The following FAT4 variants were observed in gnomAD, a reference collection of about 807,000 sequenced individuals.
FAT4 encodes protocadherin Fat 4.
Under a neutral mutation model 303.9 loss-of-function variants are expected in FAT4, and 84 were observed. That is an observed-to-expected ratio of 0.28 (90% CI 0.23 to 0.33). FAT4 has a LOEUF of 0.33. Among genes scored for constraint, FAT4 ranks in the 10% least tolerant of loss-of-function variants. The pLI is 1.00. For missense variants in FAT4, 6,005 were observed against 6,146.8 expected, an observed-to-expected ratio of 0.98 and a Z score of 0.77; for synonymous variants, 2,307 against 2,298.8, an observed-to-expected ratio of 1.00 and a Z score of -0.10.
intron 2 of FAT4, among the ~76,000 whole-genome samples, chr4:125,327,610 A>G (rs988050469): frequency 1.3e-5 from 2 of 152,164 alleles, no homozygotes; most frequent in Non-Finnish European, 2.9e-5. Context: ...TTGATGGCTA[A>G]TTATGTTCAT....
rs1726310483 is a variant in FAT4 at position 125,457,150 on chromosome 4, CACACA to C, written c.11800+4341_11800+4345del. Among the ~76,000 whole-genome samples the C allele has an allele frequency of 1.2e-4, 16 of 133,404 alleles. No homozygotes were observed. In the South Asian group the frequency reaches 1.5e-3, roughly 12 times the overall value. The allele number at this position is 133,404 out of a possible 152,430, so 87.5% of individuals were successfully genotyped here. ...ACACACACACACACACACACACACA[CACACA>C]CCACTGAGTATTTTATGTGGATTTA... is the stretch of plus-strand genomic sequence containing the variant. On this transcript the variant is annotated intron_variant, in intron 10 of 17. Coordinates refer to ENST00000394329, the MANE Select transcript of FAT4 (RefSeq NM_001291303.3).
chr4:125,477,029 C>A, intron 13 of FAT4, 126 bp from the exon 14 acceptor site: 1 of 636,774 alleles, frequency 1.6e-6, no homozygotes, highest in Non-Finnish European at 2.3e-6. Context: ...ACATATTTTC[C>A]ATTGAAATTT....
intron 10 of FAT4, among the ~76,000 whole-genome samples, chr4:125,459,672 G>A (rs1338848634): frequency 6.6e-6 from 1 of 152,004 alleles, no homozygotes; most frequent in Non-Finnish European, 1.5e-5. Flanking sequence ...AGTTCAAGAG[G>A]AATAAATGCC....
At position 125,424,076 on chromosome 4, in the gene FAT4, C is replaced by T. The variant is rs113413449; in HGVS notation, c.7018+7454C>T. 9.3e-3 allele frequency among the ~76,000 whole-genome samples: 1,419 copies of T among 152,170 alleles called. 28 individuals carry two copies. Among genetic ancestry groups the T allele is most frequent in the African/African-American group, 0.032 (1,344 of 41,514 alleles). On this transcript the variant is annotated intron_variant, in intron 7 of 17. Transcript: ENST00000394329. ...TTGGACTTGGACTTTTGAGTTAATG[C>T]TGAAATAAGTTAAGACTTTGGGAGA...
rs1224914906 is a variant in FAT4, at chr4:125,339,511, A to G, written c.5175+17925A>G. 7.2e-5 allele frequency among the ~76,000 whole-genome samples: 11 copies of G among 152,090 alleles called. No individual in the cohort carries two copies. In the South Asian group the frequency reaches 1.0e-3, roughly 14 times the overall value. On this transcript the variant is annotated intron_variant, in intron 2 of 17. Coordinates refer to ENST00000394329, the MANE Select transcript of FAT4 (RefSeq NM_001291303.3). Reference sequence around the variant, plus strand: ...GCACCCAGCCTCCAACATTATTTCTATGGTAATAGTTATTAAACAATAATA... The same window carrying G: ...GCACCCAGCCTCCAACATTATTTCTGTGGTAATAGTTATTAAACAATAATA...
intron 2 of FAT4, among the ~76,000 whole-genome samples, chr4:125,376,831 G>A (rs1733344421): frequency 6.6e-6 from 1 of 152,112 alleles, no homozygotes; most frequent in African/African-American, 2.4e-5. Context: ...GTTCCGGTGA[G>A]CCGAGATCAT....
chr4:125,441,809 T>A (rs1210115839), intron 8 of FAT4, among the ~76,000 whole-genome samples: 1 of 152,286 alleles, frequency 6.6e-6, no homozygotes, highest in Non-Finnish European at 1.5e-5. Flanking sequence ...TGGCCAAAAG[T>A]TCAGTATTAC....
chr4:125,339,876 A>AT (rs1203346387), intron 2 of FAT4, among the ~76,000 whole-genome samples: 2 of 152,184 alleles, frequency 1.3e-5, no homozygotes, highest in Admixed American at 6.5e-5. Flanking sequence ...ATTTAAAAAA[A>AT]TAATATTTTA....
Position 125,321,087 on chromosome 4 carries a change from C to G in FAT4, c.4676C>G (p.Ala1559Gly), listed in dbSNP as rs1305165977. 3 of 1,613,996 alleles carry G rather than the reference C, an allele frequency of 1.9e-6. No individual in the cohort carries two copies. The African/African-American group carries it at 4.0e-5, about 22-fold the overall frequency. Residue 1559 changes from alanine (A) to glycine (G), a missense_variant, in exon 2 of 18, where the codon GCT becomes GGT. By Grantham distance (60) the Ala-to-Gly change is moderately conservative. Transcript: ENST00000394329. ...TIMAADPDEG[A>G]NGEIEYEIIN... ...ATGGCTGCTGACCCAGATGAAGGTG[C>G]TAATGGAGAAATAGAGTATGAGATC...
At position 125,450,952 on chromosome 4, in the gene FAT4, T is replaced by C; in HGVS notation, c.9942T>C (p.Pro3314=). 2.5e-6 allele frequency: 4 copies of C among 1,614,156 alleles called. No homozygotes were observed. The highest frequency in any genetic ancestry group is 3.4e-6 in the Non-Finnish European group (4 of 1,180,016). ...ATTTTGAAATCTCAGAAGCAGCTCC[T>C]AAAGGTACTATTGTTGGAGAAGTGT... The part of the protein sequence containing the change: ...LYYFEISEAA[P]KGTIVGEVFA... The change falls in exon 10 of 18, where the codon CCT becomes CCC. Residue 3314 remains proline, a synonymous_variant. Transcript: ENST00000394329.
In FAT4 at chr4:125,490,365, G is replaced by T. The variant is rs142649500; in HGVS notation, c.13549G>T (p.Val4517Phe). 3.5e-5 allele frequency: 56 copies of T among 1,614,014 alleles called. No individual in the cohort carries two copies. The highest frequency in any genetic ancestry group is 4.7e-5 in the Non-Finnish European group (56 of 1,180,042). The change falls in exon 18 of 18, where the codon GTC (valine) becomes TTC (phenylalanine). Residue 4517 changes from valine (V) to phenylalanine (F), a missense_variant. Physicochemically the swap from Val to Phe is conservative, Grantham distance 50. Coordinates refer to ENST00000394329, the MANE Select transcript of FAT4 (RefSeq NM_001291303.3). ...TGCCATCGTGGGCAGCTGCGCAACCGTCTTGGCCCTCCTGGTCCTTAGCCT... is the reference window on the plus strand; with the variant it reads ...TGCCATCGTGGGCAGCTGCGCAACCTTCTTGGCCCTCCTGGTCCTTAGCCT... The part of the protein sequence containing the change: ...VPAIVGSCAT[V>F]LALLVLSLIL...
In FAT4 at chr4:125,464,128, G is replaced by C. The variant is rs571892537; in HGVS notation, c.11905+461G>C. On this transcript the variant is annotated intron_variant, in intron 11 of 17. Transcript: ENST00000394329. ...TAATTTTGTTTTTTATGTTAATTCA[G>C]CCACTTTTATTAGAAGGACTTAGTA... 4.6e-5 allele frequency among the ~76,000 whole-genome samples: 7 copies of C among 151,864 alleles called. No homozygotes were observed. The South Asian group carries it at 1.5e-3, about 32-fold the overall frequency.
chr4:125,381,698 C>T (rs1363601888), intron 2 of FAT4, among the ~76,000 whole-genome samples: 1 of 152,026 alleles, frequency 6.6e-6, no homozygotes, highest in African/African-American at 2.4e-5. Context: ...TGAAATAAGA[C>T]AACAATGAAG....
chr4:125,454,426 A>G (rs1172198551), intron 10 of FAT4, among the ~76,000 whole-genome samples: 1 of 152,248 alleles, frequency 6.6e-6, no homozygotes, highest in Non-Finnish European at 1.5e-5. Context: ...ATTTAGCTAT[A>G]GCTTTTGGGA....
chr4:125,426,362 C>T (rs980140899), intron 7 of FAT4, among the ~76,000 whole-genome samples: 2 of 151,956 alleles, frequency 1.3e-5, no homozygotes, highest in South Asian at 2.1e-4. Context: ...CTAGAGTTGC[C>T]TTCAATTACC....
Position 125,317,608 on chromosome 4 carries a change from C to A in FAT4, c.1197C>A (p.Leu399=). The A allele has an allele frequency of 6.2e-7, 1 of 1,613,970 alleles. No individual in the cohort carries two copies. The highest frequency in any genetic ancestry group is 1.1e-5 in the South Asian group (1 of 91,022). Residue 399 remains leucine (L), a synonymous_variant, in exon 2 of 18, where the codon CTC becomes CTA. Coordinates refer to ENST00000394329, the MANE Select transcript of FAT4 (RefSeq NM_001291303.3). This position sits in a 1 kb window ranked among gnomAD's most constrained non-coding sequence, Gnocchi z 7.0. ...ACGGGAACATCTCCGTGCAAATTCT[C>A]GGGGGCAATGAGCAGCGCCACTTTG... ...AANGNISVQI[L]GGNEQRHFEV... is the part of the protein sequence containing the mutation.
chr4:125,363,401 A>G (rs1234065341), intron 2 of FAT4, among the ~76,000 whole-genome samples: 1 of 151,918 alleles, frequency 6.6e-6, no homozygotes, highest in Non-Finnish European at 1.5e-5. Context: ...CTGGGAATGG[A>G]ATCCTAAAAT....
chr4:125,408,609 A>T lies in FAT4; in HGVS notation c.5735A>T (p.Tyr1912Phe), dbSNP rs138137489. The T allele has an allele frequency of 1.2e-6, 2 of 1,612,746 alleles. No individual in the cohort carries two copies. Among genetic ancestry groups the T allele is most frequent in the Non-Finnish European group, 8.5e-7 (1 of 1,179,262 alleles). Residue 1912 changes from tyrosine to phenylalanine, a missense_variant, in exon 5 of 18, where the codon TAT becomes TTT. By Grantham distance (22) the Tyr-to-Phe change is conservative. Coordinates refer to ENST00000394329, the MANE Select transcript of FAT4 (RefSeq NM_001291303.3). ...RLLDYEVQQY[Y>F]ILTVRAEDGG... is the part of the protein sequence containing the mutation. ...TTAGATTATGAAGTACAGCAATATT[A>T]TATCCTCACTGTTCGAGCAGAAGAT...
intron 2 of FAT4, among the ~76,000 whole-genome samples, chr4:125,379,103 G>A (rs2125997143): frequency 6.6e-6 from 1 of 152,224 alleles, no homozygotes; most frequent in South Asian, 2.1e-4. Flanking sequence ...TTAATTTGCA[G>A]TTGCTTGGAA....
Sources: allele counts gnomAD v4.1 joint callset (sites outside exome capture counted in the v4.1 genomes callset), GRCh38; gene constraint gnomAD v4.1.1; non-coding constraint Gnocchi (gnomAD v3.1); transcripts MANE v1.5; gene names NCBI Gene and HGNC (gene_info 2026-07-23, HGNC 2026-07-21).